Variants in WWOX observed in about 807,000 individuals in gnomAD.
The protein encoded by WWOX is WW domain-containing oxidoreductase.
WWOX carries 69 observed loss-of-function variants against 46.2 expected under a neutral mutation model. The observed-to-expected ratio is 1.49, with a 90% CI of 1.23 to 1.82. The LOEUF (loss-of-function observed/expected upper bound fraction) is 1.82. Among genes scored for constraint, WWOX ranks in the 40% most tolerant of loss-of-function variants. The pLI is 0.00. For synonymous variants in WWOX, 359 were observed against 202.6 expected (o/e 1.77, Z -6.56); for missense variants, 919 against 542.6 (o/e 1.69, Z -6.89).
At chr16:78,196,793 C>T (rs971632854) in intron 5 of WWOX, among the ~76,000 whole-genome samples, 8 of 152,156 alleles carry the variant, frequency 5.3e-5, no homozygotes, top group Non-Finnish European at 1.0e-4. Flanking sequence ...GTAAAATCAG[C>T]AGGTAGCAAA....
chr16:78,662,256 A>G (rs954302597), intron 8 of WWOX, among the ~76,000 whole-genome samples: 2 of 152,180 alleles, frequency 1.3e-5, no homozygotes, highest in Non-Finnish European at 2.9e-5. Flanking sequence ...CTATCTGTAC[A>G]TAGAAGAATG....
At chr16:78,223,320 C>G (rs1299622521) in intron 5 of WWOX, among the ~76,000 whole-genome samples, 8 of 152,098 alleles carry the variant, frequency 5.3e-5, no homozygotes, top group Non-Finnish European at 1.2e-4. Flanking sequence ...ACAGGCGCAT[C>G]CTACAACAGA....
chr16:78,811,331 G>T (rs2051182595), intron 8 of WWOX, among the ~76,000 whole-genome samples: 1 of 151,914 alleles, frequency 6.6e-6, no homozygotes, highest in South Asian at 2.1e-4. Context: ...ATCACTTCGG[G>T]GAATTATATC....
chr16:79,142,082 C>G (rs2050100952), intron 8 of WWOX, among the ~76,000 whole-genome samples: 1 of 152,184 alleles, frequency 6.6e-6, no homozygotes, highest in Admixed American at 6.5e-5. Context: ...TCTTCTCCAT[C>G]TCCTGCCCTT....
chr16:78,921,526 TAATC>T (rs1460640888), intron 8 of WWOX, among the ~76,000 whole-genome samples: 4 of 152,210 alleles, frequency 2.6e-5, no homozygotes, highest in Admixed American at 2.6e-4. Context: ...GTCATTCTCT[TAATC>T]AAGTCTCATA....
At chr16:78,815,921 C>G (rs922613655) in intron 8 of WWOX, among the ~76,000 whole-genome samples, 1 of 152,156 alleles carries the variant, frequency 6.6e-6, no homozygotes, top group African/African-American at 2.4e-5. Context: ...TCTCCCCAAC[C>G]CATTCACTGG....
intron 8 of WWOX, among the ~76,000 whole-genome samples, chr16:78,439,803 C>T (rs959888115): frequency 6.6e-6 from 1 of 152,130 alleles, no homozygotes; most frequent in African/African-American, 2.4e-5. Flanking sequence ...ATGAGTAGCT[C>T]CTTTGTGATA....
intron 8 of WWOX, among the ~76,000 whole-genome samples, chr16:79,166,016 C>T (rs1041641941): frequency 6.6e-6 from 1 of 152,214 alleles, no homozygotes; most frequent in African/African-American, 2.4e-5. Context: ...ATTTTCATAA[C>T]TATCTGCATT....
chr16:78,156,302 T>G (rs2034595429), intron 4 of WWOX, among the ~76,000 whole-genome samples: 1 of 151,982 alleles, frequency 6.6e-6, no homozygotes, highest in Non-Finnish European at 1.5e-5. Flanking sequence ...CTTAACAGGT[T>G]TGTTTGGGAA....
chr16:79,071,971 C>A (rs889061262), intron 8 of WWOX, among the ~76,000 whole-genome samples: 1 of 152,134 alleles, frequency 6.6e-6, no homozygotes, highest in African/African-American at 2.4e-5. Flanking sequence ...TTTACTCGTT[C>A]TTTTTTGTAT....
chr16:79,034,460 A>T (rs966904419), intron 8 of WWOX, among the ~76,000 whole-genome samples: 2 of 152,212 alleles, frequency 1.3e-5, no homozygotes, highest in African/African-American at 4.8e-5. Context: ...CAATTTTCTT[A>T]AACAGCTGCA....
intron 8 of WWOX, among the ~76,000 whole-genome samples, chr16:78,545,291 C>T (rs544488083): frequency 3.9e-5 from 6 of 152,302 alleles, no homozygotes; most frequent in South Asian, 2.1e-4. Flanking sequence ...GTTCTAATCT[C>T]TGCTTCTGAG....
intron 5 of WWOX, among the ~76,000 whole-genome samples, chr16:78,222,357 A>AG (rs1321678305): frequency 4.0e-5 from 6 of 151,642 alleles, no homozygotes; most frequent in Non-Finnish European, 8.8e-5. Context: ...AAAAAAAAAA[A>AG]AAAGGAGAAG....
At chr16:78,451,681 A>G (rs1278259999) in intron 8 of WWOX, among the ~76,000 whole-genome samples, 1 of 152,206 alleles carries the variant, frequency 6.6e-6, no homozygotes, top group African/African-American at 2.4e-5. Context: ...TTTGGTGTAT[A>G]GTGGATACTA....
chr16:78,651,197 A>G (rs1250675097), intron 8 of WWOX, among the ~76,000 whole-genome samples: 4 of 152,250 alleles, frequency 2.6e-5, no homozygotes, highest in African/African-American at 9.6e-5. Flanking sequence ...ACTGTACAGC[A>G]TCTTTACTTA....
At chr16:78,811,904 A>G (rs972209370) in intron 8 of WWOX, among the ~76,000 whole-genome samples, 20 of 152,204 alleles carry the variant, frequency 1.3e-4, no homozygotes, top group Admixed American at 2.6e-4. Context: ...CATGAGCATA[A>G]TAAGATATAC....
rs150112693 is a variant in WWOX at position 78,957,924 on chromosome 16, C to G, written c.1057-253684C>G. ...CCTTTCTTTTGTTTGTGCAACAACT[C>G]AATTCACTGTCACCACATCAGCACA... On this transcript the variant is annotated intron_variant, in intron 8 of 8. Transcript: ENST00000566780. Among the ~76,000 whole-genome samples, 12 of 152,318 alleles carry G rather than the reference C, an allele frequency of 7.9e-5. No individual in the cohort carries two copies. In the East Asian group the frequency reaches 2.1e-3, roughly 27 times the overall value.
At chr16:78,868,167 T>C (rs975790955) in intron 8 of WWOX, among the ~76,000 whole-genome samples, 4 of 152,172 alleles carry the variant, frequency 2.6e-5, no homozygotes, top group African/African-American at 9.7e-5. Context: ...AAATGTAGTC[T>C]ATCGACACAA....
At chr16:78,371,979 A>G (rs1288300507) in intron 5 of WWOX, among the ~76,000 whole-genome samples, 1 of 152,200 alleles carries the variant, frequency 6.6e-6, no homozygotes, top group Non-Finnish European at 1.5e-5. Context: ...CTGGAAATAG[A>G]CATGTGAGTG....
Sources: allele counts gnomAD v4.1 joint callset (sites outside exome capture counted in the v4.1 genomes callset), GRCh38; gene constraint gnomAD v4.1.1; transcripts MANE v1.5; gene names NCBI Gene and HGNC (gene_info 2026-07-23, HGNC 2026-07-21).